The following DOCK3 variants were observed in gnomAD, a reference collection of about 807,000 sequenced individuals.
The protein encoded by DOCK3 is dedicator of cytokinesis protein 3.
A neutral mutation model predicts 265.6 loss-of-function variants in DOCK3; 60 were observed. The ratio of observed to expected loss-of-function variants is 0.23; its 90% CI spans 0.18 to 0.28. The LOEUF (loss-of-function observed/expected upper bound fraction) is 0.28. Among genes scored for constraint, DOCK3 ranks in the 10% least tolerant of loss-of-function variants. The probability of loss-of-function intolerance (pLI) is 1.00; values close to 1 mark genes in which losing one functional copy is unlikely to be tolerated. For synonymous variants in DOCK3, 881 were observed against 938.0 expected, an observed-to-expected ratio of 0.94 and a Z score of 1.11; for missense variants, 1,981 against 2,594.3, an observed-to-expected ratio of 0.76 and a Z score of 5.14.
intron 10 of DOCK3, among the ~76,000 whole-genome samples, chr3:51,155,283 C>T (rs2085795133): frequency 6.6e-6 from 1 of 152,102 alleles, no homozygotes; most frequent in Non-Finnish European, 1.5e-5. Flanking sequence ...CAGCCCTGCC[C>T]TGGATTTTTT....
intron 4 of DOCK3, among the ~76,000 whole-genome samples, chr3:50,906,845 G>A (rs1335927335): frequency 3.9e-5 from 6 of 152,042 alleles, no homozygotes; most frequent in African/African-American, 1.5e-4. Flanking sequence ...TAATTGTGAC[G>A]TTAGGGTGTC....
intron 5 of DOCK3, among the ~76,000 whole-genome samples, chr3:50,939,979 A>T (rs1316077052): frequency 6.6e-6 from 1 of 152,184 alleles, no homozygotes; most frequent in African/African-American, 2.4e-5. Flanking sequence ...AAACAAGAAG[A>T]CACTAGAGTT....
Position 50,854,592 on chromosome 3 carries a change from G to GTTTTTTTTTTTTTTTTTTTTTTTTTT in DOCK3, c.162+12895_162+12896insTTTTTTTTTTTTTTTTTTTTTTTTTT, listed in dbSNP as rs71084118. On this transcript the variant is annotated intron_variant, in intron 3 of 52. Coordinates refer to ENST00000266037, the MANE Select transcript of DOCK3 (RefSeq NM_004947.5). The stretch of plus-strand genomic sequence containing the variant: ...GCTACAGATGAGCACCATCACACCA[G>GTTTTTTTTTTTTTTTTTTTTTTTTTT]TTTTTTTTTTTTTTTTTTGGTGGTC... 1.5e-4 allele frequency among the ~76,000 whole-genome samples: 7 copies of GTTTTTTTTTTTTTTTTTTTTTTTTTT among 47,214 alleles called. 3 individuals carry two copies. The highest frequency in any genetic ancestry group is 1.8e-4 in the Non-Finnish European group (5 of 28,110). 31.0% of individuals were successfully genotyped at this position (47,214 alleles called of 152,430 possible). A position where few individuals can be genotyped will look rare whatever the true frequency, so the allele number is the denominator to read the frequency against.
chr3:50,950,106 G>A (rs1238435543), intron 5 of DOCK3, among the ~76,000 whole-genome samples: 1 of 151,000 alleles, frequency 6.6e-6, no homozygotes, highest in Admixed American at 6.6e-5. Flanking sequence ...ATTCTATTTG[G>A]TTATTTTTCA....
chr3:50,718,082 C>A (rs189011179), intron 1 of DOCK3, among the ~76,000 whole-genome samples: 3 of 152,178 alleles, frequency 2.0e-5, no homozygotes, highest in Non-Finnish European at 4.4e-5. Context: ...TACCTTTAAT[C>A]TGCCTCTCAC....
chr3:50,797,811 TTA>T (rs746807398), intron 2 of DOCK3, among the ~76,000 whole-genome samples: 1 of 152,236 alleles, frequency 6.6e-6, no homozygotes, highest in Non-Finnish European at 1.5e-5. Context: ...TATTGGCCAT[TTA>T]TATGTCTTTT....
intron 7 of DOCK3, among the ~76,000 whole-genome samples, chr3:51,088,433 AAG>A (rs2082511827): frequency 6.6e-6 from 1 of 152,212 alleles, no homozygotes; most frequent in Non-Finnish European, 1.5e-5. Flanking sequence ...TCCCAACAGA[AAG>A]AAATGATAAA....
At chr3:51,227,846 T>C (rs2090394423) in intron 16 of DOCK3, 136 bp from the exon 17 acceptor site, 2 of 841,200 alleles carry the variant, frequency 2.4e-6, no homozygotes, top group South Asian at 3.3e-5. Flanking sequence ...TTTCTCATCA[T>C]TCCTGCAGTC....
chr3:50,755,276 A>T (rs891477614), intron 1 of DOCK3, among the ~76,000 whole-genome samples: 20 of 152,260 alleles, frequency 1.3e-4, no homozygotes, highest in African/African-American at 4.8e-4. Context: ...TTTGTAGAGT[A>T]CTTGTTGATG....
At chr3:51,065,627 A>G (rs1262042679) in intron 6 of DOCK3, among the ~76,000 whole-genome samples, 1 of 152,166 alleles carries the variant, frequency 6.6e-6, no homozygotes, top group East Asian at 1.9e-4. Context: ...CAGATAAACA[A>G]ATATAAAAAA....
chr3:51,375,215 T>G (rs1389272816), intron 50 of DOCK3, among the ~76,000 whole-genome samples: 1 of 152,208 alleles, frequency 6.6e-6, no homozygotes, highest in Non-Finnish European at 1.5e-5. Flanking sequence ...TGCCAGGAGT[T>G]TCTTAGTGGT....
intron 2 of DOCK3, among the ~76,000 whole-genome samples, chr3:50,840,401 A>G (rs2045765275): frequency 6.6e-6 from 1 of 152,238 alleles, no homozygotes; most frequent in Admixed American, 6.5e-5. Flanking sequence ...GACTAGAGTA[A>G]GATCTATATG....
chr3:51,129,176 T>C (rs1185965412), intron 9 of DOCK3, among the ~76,000 whole-genome samples: 1 of 152,272 alleles, frequency 6.6e-6, no homozygotes, highest in Non-Finnish European at 1.5e-5. Flanking sequence ...TCTCCTTCCA[T>C]GCAAAGTGCA....
In DOCK3 at chr3:51,146,597, A is replaced by C; in HGVS notation, c.795A>C (p.Pro265=). Residue 265 remains proline, a synonymous_variant, in exon 10 of 53, where the codon CCA becomes CCC. Coordinates refer to ENST00000266037, the MANE Select transcript of DOCK3 (RefSeq NM_004947.5). ...RLNKNGGPRN[P]EKIERMCALF... ...ACAAGAATGGTGGGCCGAGGAACCC[A>C]GAGAAGATAGAACGAATGTGTGCCC... 1 of 1,597,976 alleles carries C rather than the reference A, an allele frequency of 6.3e-7. No homozygotes were observed. Among genetic ancestry groups the C allele is most frequent in the East Asian group, 2.2e-5 (1 of 44,508 alleles).
At chr3:50,716,220 T>C (rs1374790691) in intron 1 of DOCK3, among the ~76,000 whole-genome samples, 1 of 151,974 alleles carries the variant, frequency 6.6e-6, no homozygotes, top group Non-Finnish European at 1.5e-5. Context: ...AAATTGACAA[T>C]GGCATTAATA....
intron 5 of DOCK3, among the ~76,000 whole-genome samples, chr3:51,056,664 G>C (rs904600949): frequency 3.3e-5 from 5 of 152,186 alleles, no homozygotes; most frequent in Admixed American, 3.3e-4. Context: ...AATAGGATTA[G>C]AGGTTACTTC....
chr3:51,326,739 A>G (rs1285484959), intron 32 of DOCK3, among the ~76,000 whole-genome samples: 2 of 151,652 alleles, frequency 1.3e-5, no homozygotes, highest in African/African-American at 2.4e-5. Flanking sequence ...CTCCTGCCTC[A>G]GCCTCCCAAG....
chr3:51,361,717 A>G lies in DOCK3; in HGVS notation c.5007-142A>G, dbSNP rs2086748035. 4.4e-6 allele frequency: 5 copies of G among 1,137,268 alleles called. No homozygotes were observed. In the South Asian group the frequency reaches 7.9e-5, roughly 18 times the overall value. 70.4% of individuals were successfully genotyped at this position (1,137,268 alleles called of 1,614,324 possible). ...AGCTCAGGACTGCTCCAGGCCTCAGATGGGTATGAGCATTGACTATGGAAC... is the reference window on the plus strand; with the variant it reads ...AGCTCAGGACTGCTCCAGGCCTCAGGTGGGTATGAGCATTGACTATGGAAC... On this transcript the variant is annotated intron_variant, in intron 47 of 52. Transcript: ENST00000266037. The surrounding 1 kb of genome is among the most constrained non-coding windows in gnomAD (Gnocchi z 4.2).
chr3:50,947,827 T>A (rs1174754145), intron 5 of DOCK3, among the ~76,000 whole-genome samples: 1 of 151,074 alleles, frequency 6.6e-6, no homozygotes, highest in Non-Finnish European at 1.5e-5. Context: ...GTCAACATAA[T>A]CCTAATGAAA....
Sources: gnomAD v4.1 joint callset for allele counts (sites outside exome capture counted in the v4.1 genomes callset) on GRCh38, gnomAD v4.1.1 for gene constraint, Gnocchi (gnomAD v3.1) non-coding constraint, MANE v1.5 for transcripts, NCBI Gene and HGNC (gene_info 2026-07-23, HGNC 2026-07-21) for gene names.